Variants in SGCG observed in about 807,000 individuals in gnomAD.
The protein encoded by SGCG is gamma-sarcoglycan.
In SGCG, 26 loss-of-function variants were observed where a neutral mutation model predicts 29.3. The observed-to-expected ratio is 0.89, with a 90% CI of 0.65 to 1.23. The LOEUF is 1.23. SGCG is among the 50% of genes most tolerant of loss of function. The pLI, the probability that SGCG is intolerant of heterozygous loss-of-function variation, is 0.00. For synonymous variants in SGCG, 145 were observed against 129.7 expected, an observed-to-expected ratio of 1.12 and a Z score of -0.80; for missense variants, 353 against 356.0, an observed-to-expected ratio of 0.99 and a Z score of 0.07.
intron 4 of SGCG, among the ~76,000 whole-genome samples, chr13:23,257,264 A>G (rs552884744): frequency 6.6e-6 from 1 of 152,238 alleles, no homozygotes; most frequent in South Asian, 2.1e-4. Context: ...GATTCTGGAT[A>G]TTAGCCCTTT....
chr13:23,172,295 G>A, the SGCG span, among the ~76,000 whole-genome samples: 1 of 152,010 alleles, frequency 6.6e-6, no homozygotes, highest in Non-Finnish European at 1.5e-5. Context: ...CAATCTCCAC[G>A]TTTGTTCATG....
chr13:23,198,845 CAAAAA>C (rs34460964), intron 1 of SGCG, among the ~76,000 whole-genome samples: 31,120 of 111,466 alleles, frequency 0.28, 3,751 homozygotes, highest in South Asian at 0.39. Flanking sequence ...GACTCCATCT[CAAAAA>C]AAAAAAAAAA....
Position 23,324,912 on chromosome 13 carries a change from G to A in SGCG, c.*371G>A, listed in dbSNP as rs1883181889. 2 of 352,022 alleles carry A rather than the reference G, an allele frequency of 5.7e-6. No individual in the cohort carries two copies. The highest frequency in any genetic ancestry group is 4.3e-5 in the African/African-American group (2 of 46,882). The allele number at this position is 352,022 out of a possible 1,614,324, so 21.8% of individuals were successfully genotyped here. On this transcript the variant is annotated 3_prime_UTR_variant, in exon 8 of 8. Transcript: ENST00000218867. ...TGACGCTCCACTGTGGATATCTAAT[G>A]CCCTGTTGAGAGTAGCCTTGCTCAG... is the stretch of plus-strand genomic sequence containing the variant.
chr13:23,194,341 A>C (rs1048499347), intron 1 of SGCG, among the ~76,000 whole-genome samples: 4 of 152,186 alleles, frequency 2.6e-5, no homozygotes, highest in African/African-American at 7.2e-5. Flanking sequence ...TGTATTATCC[A>C]GGACTGTTTC....
chr13:23,270,033 C>G (rs1316695652), intron 4 of SGCG, among the ~76,000 whole-genome samples: 1 of 151,934 alleles, frequency 6.6e-6, no homozygotes, highest in East Asian at 1.9e-4. Context: ...CGCCACCATG[C>G]CGGGCTAATT....
chr13:23,319,625 T>C (rs1882959822), intron 6 of SGCG, among the ~76,000 whole-genome samples: 1 of 152,226 alleles, frequency 6.6e-6, no homozygotes, highest in Non-Finnish European at 1.5e-5. Context: ...TACTTCTCTC[T>C]TAAGCCACTT....
chr13:23,228,777 A>G (rs917334589), intron 2 of SGCG, among the ~76,000 whole-genome samples: 3 of 152,312 alleles, frequency 2.0e-5, no homozygotes, highest in South Asian at 2.1e-4. Context: ...AGTTCCATCC[A>G]TGTTCCTGCA....
chr13:23,234,163 A>G (rs1468935736), intron 2 of SGCG, among the ~76,000 whole-genome samples: 3 of 152,198 alleles, frequency 2.0e-5, no homozygotes, highest in African/African-American at 7.2e-5. Flanking sequence ...TATTTACTAC[A>G]GAGTGAACTC....
At chr13:23,295,352 T>C in intron 5 of SGCG, 63 bp from the exon 6 acceptor site, 1 of 1,225,574 alleles carries the variant, frequency 8.2e-7, no homozygotes, top group South Asian at 1.2e-5. Context: ...AGGCTAAATG[T>C]TTATTTTGTT....
Position 23,250,667 on chromosome 13 carries a change from C to T in SGCG, c.335C>T (p.Thr112Ile), listed in dbSNP as rs570169794. ...CTTCTACAATCAACCCAGAATGTGA[C>T]TGTAAATGCGCGCAACTCAGAAGGG... ...SLLLQSTQNV[T>I]VNARNSEGEV... The change falls in exon 4 of 8, where the codon ACT becomes ATT. Residue 112 changes from threonine (T) to isoleucine (I), a missense_variant. Thr to Ile is a moderately conservative substitution (Grantham distance 89). Coordinates refer to ENST00000218867, the MANE Select transcript of SGCG (RefSeq NM_000231.3). 2 of 1,613,010 alleles carry T rather than the reference C, an allele frequency of 1.2e-6. No individual in the cohort carries two copies. The highest frequency in any genetic ancestry group is 2.2e-5 in the South Asian group (2 of 91,014).
intron 2 of SGCG, among the ~76,000 whole-genome samples, chr13:23,218,398 G>C (rs2137523236): frequency 6.6e-6 from 1 of 152,214 alleles, no homozygotes; most frequent in African/African-American, 2.4e-5. Flanking sequence ...ATTTCAGAAA[G>C]AGTTGGTGGG....
intron 6 of SGCG, among the ~76,000 whole-genome samples, chr13:23,306,981 G>A (rs1207396173): frequency 6.6e-6 from 1 of 152,174 alleles, no homozygotes; most frequent in Admixed American, 6.5e-5. Flanking sequence ...AAATGTAAAT[G>A]TATAAGTTGC....
rs530677982 is a variant in SGCG at position 23,320,830 on chromosome 13, G to A, written c.702+70G>A. 1.1e-3 allele frequency: 1,682 copies of A among 1,475,366 alleles called. 16 individuals carry two copies. Among genetic ancestry groups the A allele is most frequent in the Non-Finnish European group, 2.1e-4 (217 of 1,058,174 alleles). 91.4% of individuals were successfully genotyped at this position (1,475,366 alleles called of 1,614,324 possible). On this transcript the variant is annotated intron_variant, in intron 7 of 7. Coordinates refer to ENST00000218867, the MANE Select transcript of SGCG (RefSeq NM_000231.3). ...TATTCCTGAGTACCATGTCTGTAAA[G>A]CTATCAGTATTAAATTTCTAGTAGT...
chr13:23,320,275 G>C (rs1433993924), intron 6 of SGCG, among the ~76,000 whole-genome samples: 1 of 152,134 alleles, frequency 6.6e-6, no homozygotes, highest in Non-Finnish European at 1.5e-5. Flanking sequence ...TCTAGCCTGG[G>C]CAACATAACG....
intron 6 of SGCG, among the ~76,000 whole-genome samples, chr13:23,314,118 T>A (rs369272494): frequency 6.6e-6 from 1 of 151,058 alleles, no homozygotes. Flanking sequence ...TTTATATATA[T>A]CTATATCTAT....
the SGCG span, among the ~76,000 whole-genome samples, chr13:23,160,855 C>G: frequency 0.74 from 112,403 of 152,104 alleles, 42,337 homozygotes; most frequent in East Asian, 0.93. Context: ...CCCCTGCCCC[C>G]TTGTGGGGGC....
intron 6 of SGCG, among the ~76,000 whole-genome samples, chr13:23,313,003 A>G (rs973967309): frequency 1.3e-5 from 2 of 152,118 alleles, no homozygotes; most frequent in Non-Finnish European, 2.9e-5. Context: ...GCCATTGATA[A>G]TCCTCTGAAC....
the SGCG span, among the ~76,000 whole-genome samples, chr13:23,165,746 C>T: frequency 1.8e-4 from 28 of 152,084 alleles, 1 homozygote; most frequent in African/African-American, 6.7e-4. Flanking sequence ...AGGGTGGTCT[C>T]GAACTCCTGA....
intron 5 of SGCG, among the ~76,000 whole-genome samples, chr13:23,280,083 A>T (rs1344167504): frequency 6.6e-6 from 1 of 152,094 alleles, no homozygotes; most frequent in African/African-American, 2.4e-5. Flanking sequence ...TGTCACTATT[A>T]TCTGTGCAGT....
Sources: gnomAD v4.1 joint callset for allele counts (sites outside exome capture counted in the v4.1 genomes callset) on GRCh38, gnomAD v4.1.1 for gene constraint, MANE v1.5 for transcripts, NCBI Gene and HGNC (gene_info 2026-07-23, HGNC 2026-07-21) for gene names.